Variants in PCLO observed in about 807,000 individuals in gnomAD.
PCLO encodes the protein protein piccolo.
A neutral mutation model predicts 427.5 loss-of-function variants in PCLO; 82 were observed. The observed-to-expected ratio is 0.19, with a 90% CI of 0.16 to 0.23. The LOEUF (loss-of-function observed/expected upper bound fraction) is 0.23. Among genes scored for constraint, PCLO ranks in the 10% least tolerant of loss-of-function variants. The pLI, the probability that PCLO is intolerant of heterozygous loss-of-function variation, is 1.00. For missense variants in PCLO, 6,239 were observed against 6,115.9 expected (o/e 1.02, Z -0.67); for synonymous variants, 2,357 against 2,155.4 (o/e 1.09, Z -2.59).
At chr7:82,946,648 C>A (rs1005903691) in intron 6 of PCLO, among the ~76,000 whole-genome samples, 2 of 152,056 alleles carry the variant, frequency 1.3e-5, no homozygotes, top group Non-Finnish European at 2.9e-5. Context: ...CAAAGAACAG[C>A]ATGGCCTGTG....
At chr7:82,774,134 C>T (rs1407998067) in intron 22 of PCLO, among the ~76,000 whole-genome samples, 3 of 152,114 alleles carry the variant, frequency 2.0e-5, no homozygotes, top group Non-Finnish European at 4.4e-5. Flanking sequence ...TTCCTTTCTC[C>T]TTCTTCCCTT....
intron 3 of PCLO, among the ~76,000 whole-genome samples, chr7:83,044,519 G>C (rs1789057960): frequency 6.6e-6 from 1 of 152,100 alleles, no homozygotes; most frequent in Non-Finnish European, 1.5e-5. Context: ...AATTATAAAT[G>C]TGTCTTTTAC....
chr7:82,853,175 T>A (rs1792709984), intron 10 of PCLO, among the ~76,000 whole-genome samples: 1 of 152,158 alleles, frequency 6.6e-6, no homozygotes, highest in Non-Finnish European at 1.5e-5. Context: ...AATATTGATA[T>A]TTTTTAAATT....
chr7:82,985,798 A>G (rs1426295007), intron 3 of PCLO, among the ~76,000 whole-genome samples: 1 of 151,990 alleles, frequency 6.6e-6, no homozygotes, highest in Non-Finnish European at 1.5e-5. Flanking sequence ...AATATCTCAC[A>G]GTATGTCCAC....
chr7:82,914,885 A>G lies in PCLO; in HGVS notation c.13101T>C (p.Val4367=), dbSNP rs989687499. 4.3e-6 allele frequency: 7 copies of G among 1,613,500 alleles called. No homozygotes were observed. Among genetic ancestry groups the G allele is most frequent in the Admixed American group, 3.3e-5 (2 of 59,956 alleles). Residue 4367 remains valine, a synonymous_variant, in exon 7 of 25, where the codon GTT becomes GTC. Transcript: ENST00000333891. ...NSEEESPLSP[V]GQPMGMARAA... ...CCCTGGCCATTCCCATTGGCTGGCC[A>G]ACAGGACTGAGTGGGCTTTCTTCTT...
At chr7:83,132,422 T>C (rs775029625) in intron 3 of PCLO, among the ~76,000 whole-genome samples, 28 of 152,186 alleles carry the variant, frequency 1.8e-4, no homozygotes, top group Non-Finnish European at 3.2e-4. Flanking sequence ...ATTCCACACA[T>C]GTCCTTTGTA....
rs186016320 is a variant in PCLO at position 82,949,071 on chromosome 7, G to A, written c.11112+405C>T. On this transcript the variant is annotated intron_variant, in intron 6 of 24. Transcript: ENST00000333891. ...TCACCTTTTGCATTATCTGTTTAATGTTTCCTATCATGCCTGAAAATGAAT... is the reference window on the plus strand; with the variant it reads ...TCACCTTTTGCATTATCTGTTTAATATTTCCTATCATGCCTGAAAATGAAT... 3.0e-3 allele frequency among the ~76,000 whole-genome samples: 461 copies of A among 152,194 alleles called. 2 individuals are homozygous for A. Among genetic ancestry groups the A allele is most frequent in the African/African-American group, 0.011 (442 of 41,524 alleles).
At chr7:83,130,927 T>C (rs894569473) in intron 3 of PCLO, among the ~76,000 whole-genome samples, 8 of 152,220 alleles carry the variant, frequency 5.3e-5, no homozygotes, top group African/African-American at 1.9e-4. Context: ...TGAGGAAACA[T>C]ATTTACTTTT....
intron 10 of PCLO, among the ~76,000 whole-genome samples, chr7:82,855,170 G>T (rs1316958334): frequency 1.3e-5 from 2 of 151,982 alleles, no homozygotes; most frequent in African/African-American, 4.8e-5. Flanking sequence ...TTGTTCAAAA[G>T]GATTTCATCG....
intron 6 of PCLO, among the ~76,000 whole-genome samples, chr7:82,923,368 GA>G (rs1403665955): frequency 6.6e-6 from 1 of 151,862 alleles, no homozygotes; most frequent in Admixed American, 6.6e-5. Flanking sequence ...ACAGAGAGGG[GA>G]AAAATGCAAG....
intron 8 of PCLO, among the ~76,000 whole-genome samples, chr7:82,905,453 G>A (rs896609433): frequency 6.6e-6 from 1 of 151,954 alleles, no homozygotes; most frequent in African/African-American, 2.4e-5. Flanking sequence ...GTGCCTTGCT[G>A]AGTTCCTAGC....
chr7:82,783,421 C>T (rs376443510), intron 22 of PCLO, among the ~76,000 whole-genome samples: 6 of 152,120 alleles, frequency 3.9e-5, no homozygotes, highest in South Asian at 2.1e-4. Context: ...GAGACCATCC[C>T]GGCTAACACG....
chr7:82,808,658 G>A (rs193044511), intron 20 of PCLO, among the ~76,000 whole-genome samples: 1 of 151,950 alleles, frequency 6.6e-6, no homozygotes, highest in Non-Finnish European at 1.5e-5. Flanking sequence ...TACCTATGAT[G>A]GAATCAGTCT....
rs763953638 is a variant in PCLO at position 83,155,236 on chromosome 7, G to A, written c.1405C>T (p.Pro469Ser). 5 of 1,613,694 alleles carry A rather than the reference G, an allele frequency of 3.1e-6. No homozygotes were observed. The highest frequency in any genetic ancestry group is 4.2e-6 in the Non-Finnish European group (5 of 1,179,866). ...GCTGGGCCAGGCAGTTGTGAAGGAG[G>A]CTTTGTTGGGCCAGTCTGCTGGGCA... ...TSAQQTGPTK[P>S]PSQLPGPAKP... The change falls in exon 2 of 25, where the codon CCT (proline) becomes TCT (serine). Residue 469 changes from proline to serine, a missense_variant. By Grantham distance (74) the Pro-to-Ser change is moderately conservative. Transcript: ENST00000333891.
chr7:83,014,150 T>C (rs1197121847), intron 3 of PCLO, among the ~76,000 whole-genome samples: 1 of 152,108 alleles, frequency 6.6e-6, no homozygotes, highest in African/African-American at 2.4e-5. Flanking sequence ...TTAAGATATG[T>C]ACAGTCTTCA....
At chr7:82,986,861 T>C (rs1195304787) in intron 3 of PCLO, among the ~76,000 whole-genome samples, 1 of 151,942 alleles carries the variant, frequency 6.6e-6, no homozygotes, top group South Asian at 2.1e-4. Context: ...TTTTATTACA[T>C]CTAGAAATGA....
chr7:82,822,151 T>G (rs1791808670), intron 20 of PCLO: 1 of 1,070,478 alleles, frequency 9.3e-7, no homozygotes, highest in Non-Finnish European at 1.1e-6. Flanking sequence ...TGCTTATAAT[T>G]TCTGTATTCT....
At chr7:83,004,499 T>C (rs1448425578) in intron 3 of PCLO, among the ~76,000 whole-genome samples, 1 of 151,496 alleles carries the variant, frequency 6.6e-6, no homozygotes, top group Non-Finnish European at 1.5e-5. Flanking sequence ...TTACACCATA[T>C]ACAAAAAAGC....
At chr7:82,825,952 A>G (rs1791932561) in intron 18 of PCLO, among the ~76,000 whole-genome samples, 1 of 149,276 alleles carries the variant, frequency 6.7e-6, no homozygotes, top group South Asian at 2.1e-4. Context: ...TAAACAATGT[A>G]TATATATAAT....
Sources: gnomAD v4.1 joint callset for allele counts (sites outside exome capture counted in the v4.1 genomes callset) on GRCh38, gnomAD v4.1.1 for gene constraint, MANE v1.5 for transcripts, NCBI Gene and HGNC (gene_info 2026-07-23, HGNC 2026-07-21) for gene names.